Variants in AP2A1 observed in about 807,000 individuals in gnomAD.
AP2A1 encodes adaptor related protein complex 2 subunit alpha 1, also known as AP-2 complex subunit alpha-1.
AP2A1 carries 21 observed loss-of-function variants against 107.3 expected under a neutral mutation model. The observed-to-expected ratio is 0.20, with a 90% CI of 0.14 to 0.28. The LOEUF (loss-of-function observed/expected upper bound fraction) is 0.28. AP2A1 is among the 10% of genes least tolerant of loss of function. AP2A1 has a pLI of 1.00. For synonymous variants in AP2A1, 602 were observed against 564.8 expected (o/e 1.07, Z -0.93); for missense variants, 873 against 1,307.7 (o/e 0.67, Z 5.13).
chr19:49,795,943 G>A lies in AP2A1; in HGVS notation c.814+205G>A, dbSNP rs748113037. ...CCCAGCGCCTACCCTGTGCAGCATC[G>A]TGGATCAGCCTCATAGCTGAGGTCC... On this transcript the variant is annotated intron_variant, in intron 7 of 22. Transcript: ENST00000354293. Among the ~76,000 whole-genome samples, 51 of 152,256 alleles carry A rather than the reference G, an allele frequency of 3.3e-4. No homozygotes were observed. The East Asian group carries it at 5.8e-3, about 17-fold the overall frequency.
Position 49,803,273 on chromosome 19 carries a change from C to A in AP2A1, c.2255-14C>A, listed in dbSNP as rs1303994390. ...GGGACTCAGATGGAGCTCTGCCTCC[C>A]CCACCTACTGCAGGCCGCATGTATC... On this transcript the variant is annotated splice_polypyrimidine_tract_variant and intron_variant, in intron 17 of 22. Coordinates refer to ENST00000354293, the MANE Select transcript of AP2A1 (RefSeq NM_130787.3). The A allele has an allele frequency of 6.2e-7, 1 of 1,613,708 alleles. No individual in the cohort carries two copies. Among genetic ancestry groups the A allele is most frequent in the Non-Finnish European group, 8.5e-7 (1 of 1,179,722 alleles).
rs779403386 is a variant in AP2A1 at position 49,800,944 on chromosome 19, T to C, written c.1456-17T>C. On this transcript the variant is annotated splice_polypyrimidine_tract_variant and intron_variant, in intron 11 of 22. Transcript: ENST00000354293. ...GCTCATTGTTGTCCTCTCCACGCCC[T>C]TCCCCACCCCACTCAGGCGCTCCAG... 2.5e-6 allele frequency: 4 copies of C among 1,580,222 alleles called. No individual in the cohort carries two copies. The highest frequency in any genetic ancestry group is 2.7e-5 in the African/African-American group (2 of 74,410).
intron 4 of AP2A1, among the ~76,000 whole-genome samples, chr19:49,789,644 G>T (rs1440219045): frequency 6.7e-6 from 1 of 148,690 alleles, no homozygotes; most frequent in African/African-American, 2.5e-5. Context: ...GGCCTGGCCA[G>T]GCCGGTCTCA....
chr19:49,767,654 G>C (rs1600209848), intron 1 of AP2A1, among the ~76,000 whole-genome samples: 1 of 152,100 alleles, frequency 6.6e-6, no homozygotes, highest in East Asian at 1.9e-4. Flanking sequence ...GCCTAATGAA[G>C]CAGGGCTTGA....
At chr19:49,794,678 T>C (rs539706143) in intron 6 of AP2A1, among the ~76,000 whole-genome samples, 2 of 152,242 alleles carry the variant, frequency 1.3e-5, no homozygotes, top group African/African-American at 2.4e-5. Flanking sequence ...TTCTTTTTTT[T>C]TGAGATGGAG....
intron 3 of AP2A1, among the ~76,000 whole-genome samples, 188 bp from the exon 4 acceptor site, chr19:49,782,343 G>A (rs994953082): frequency 2.0e-5 from 3 of 150,808 alleles, no homozygotes; most frequent in Non-Finnish European, 4.4e-5. Flanking sequence ...TCTGGGGCCT[G>A]GACTCGTGGG....
chr19:49,802,193 C>T (rs2073292371), intron 15 of AP2A1, 52 bp downstream of exon 15: 1 of 1,433,980 alleles, frequency 7.0e-7, no homozygotes, highest in Non-Finnish European at 9.5e-7. Flanking sequence ...CAGGGCTGTC[C>T]CTTCTCGGCC....
chr19:49,791,345 T>A (rs983002539), intron 4 of AP2A1, among the ~76,000 whole-genome samples: 1 of 152,096 alleles, frequency 6.6e-6, no homozygotes, highest in African/African-American at 2.4e-5. Context: ...TCCTCCCACC[T>A]CACCCTCCCG....
At chr19:49,802,165 C>G in intron 15 of AP2A1, 24 bp downstream of exon 15, 1 of 1,534,524 alleles carries the variant, frequency 6.5e-7, no homozygotes, top group Non-Finnish European at 8.7e-7. Context: ...GGCCCGGGCC[C>G]CTTCTCGCGG....
At position 49,767,008 on chromosome 19, in the gene AP2A1, A is replaced by AGTCC. The variant is rs2084508768; in HGVS notation, c.-125_-124insTCCG. ...CAGCCCGCCCGCCCGCCCGCCAGCC[A>AGTCC]GCCCTCCCCGCGGCCGGCTCGGCTC... On this transcript the variant is annotated 5_prime_UTR_variant, in exon 1 of 23. Transcript: ENST00000354293. 2 of 516,818 alleles carry AGTCC rather than the reference A, an allele frequency of 3.9e-6. No homozygotes were observed. The highest frequency in any genetic ancestry group is 5.6e-6 in the Non-Finnish European group (2 of 358,818). 32.0% of individuals were successfully genotyped at this position (516,818 alleles called of 1,614,324 possible).
At position 49,805,553 on chromosome 19, in the gene AP2A1, C is replaced by T; in HGVS notation, c.2445C>T (p.Pro815=). ...NIECLRDFLT[P]PLLSVRFRYG... The stretch of plus-strand genomic sequence containing the variant: ...AGTGCCTGCGGGACTTCCTGACGCC[C>T]CCGCTGCTGTCCGTGCGCTTCCGGT... The change falls in exon 19 of 23, where the codon CCC becomes CCT. Residue 815 remains proline (P), a synonymous_variant. Coordinates refer to ENST00000354293, the MANE Select transcript of AP2A1 (RefSeq NM_130787.3). 1.3e-6 allele frequency: 2 copies of T among 1,577,622 alleles called. No individual in the cohort carries two copies. The highest frequency in any genetic ancestry group is 1.7e-6 in the Non-Finnish European group (2 of 1,162,330).
At position 49,791,975 on chromosome 19, in the gene AP2A1, C is replaced by T; in HGVS notation, c.514C>T (p.Leu172Phe). The change falls in exon 5 of 23, where the codon CTC (leucine) becomes TTC (phenylalanine). Residue 172 changes from leucine (L) to phenylalanine (F), a missense_variant. Coordinates refer to ENST00000354293, the MANE Select transcript of AP2A1 (RefSeq NM_130787.3). ...DSVKQSAALC[L>F]LRLYKASPDL... The stretch of plus-strand genomic sequence containing the variant: ...TGTCAAGCAGAGTGCGGCCCTGTGC[C>T]TCCTTCGACTGTACAAGGCCTCGCC... The T allele has an allele frequency of 6.2e-7, 1 of 1,612,408 alleles. No homozygotes were observed. The highest frequency in any genetic ancestry group is 8.5e-7 in the Non-Finnish European group (1 of 1,179,414).
chr19:49,806,394 C>T (rs1169325667), intron 22 of AP2A1, 141 bp downstream of exon 22: 16 of 1,438,446 alleles, frequency 1.1e-5, no homozygotes, highest in East Asian at 2.5e-5. Flanking sequence ...CACTTTTACT[C>T]CTCTTTATCT....
At chr19:49,798,542 C>G (rs113969807) in intron 7 of AP2A1, among the ~76,000 whole-genome samples, 1 of 152,146 alleles carries the variant, frequency 6.6e-6, no homozygotes, top group Admixed American at 6.5e-5. Context: ...ACCTCTTGCC[C>G]GAGAGGGTCA....
intron 1 of AP2A1, among the ~76,000 whole-genome samples, chr19:49,774,458 T>C: frequency 6.6e-6 from 1 of 152,138 alleles, no homozygotes. Flanking sequence ...ACGAAGAATA[T>C]ATTTTCATCA....
intron 14 of AP2A1, 40 bp from the exon 15 acceptor site, chr19:49,801,941 G>A (rs1467655967): frequency 6.9e-7 from 1 of 1,457,346 alleles, no homozygotes; most frequent in Non-Finnish European, 9.0e-7. Flanking sequence ...GGGTCCTGCC[G>A]GGCGCCGCCT....
chr19:49,793,163 C>T, intron 6 of AP2A1, 71 bp downstream of exon 6: 1 of 1,340,986 alleles, frequency 7.5e-7, no homozygotes, highest in South Asian at 1.3e-5. Context: ...ACCCCTCAGG[C>T]CCCCACTCTC....
intron 11 of AP2A1, 107 bp downstream of exon 11, chr19:49,800,257 C>G: frequency 7.4e-7 from 1 of 1,350,514 alleles, no homozygotes; most frequent in South Asian, 1.4e-5. Context: ...CCTCCTTCTC[C>G]TGCACTGCCG....
chr19:49,805,342 G>T, intron 18 of AP2A1, 111 bp from the exon 19 acceptor site: 15 of 1,248,022 alleles, frequency 1.2e-5, no homozygotes, highest in Middle Eastern at 2.8e-4. Flanking sequence ...TTGCACCATG[G>T]GGTCCCTCAA....
Sources: allele counts gnomAD v4.1 joint callset (sites outside exome capture counted in the v4.1 genomes callset), GRCh38; gene constraint gnomAD v4.1.1; transcripts MANE v1.5; gene names NCBI Gene and HGNC (gene_info 2026-07-23, HGNC 2026-07-21).